Variants in CACNA2D3 observed in about 807,000 individuals in gnomAD.
CACNA2D3 encodes voltage-dependent calcium channel subunit alpha-2/delta-3.
In CACNA2D3, 60 loss-of-function variants were observed where a neutral mutation model predicts 160.6. The observed-to-expected ratio is 0.37, with a 90% CI of 0.30 to 0.46. CACNA2D3 has a LOEUF of 0.46. Among genes scored for constraint, CACNA2D3 ranks in the 20% least tolerant of loss-of-function variants. The probability of loss-of-function intolerance (pLI) is 1.00; values close to 1 mark genes in which losing one functional copy is unlikely to be tolerated. For missense variants in CACNA2D3, 1,205 were observed against 1,365.0 expected (o/e 0.88, Z 1.85); for synonymous variants, 558 against 492.9 (o/e 1.13, Z -1.75).
At chr3:54,281,120 G>A (rs1356839159) in intron 2 of CACNA2D3, among the ~76,000 whole-genome samples, 1 of 152,188 alleles carries the variant, frequency 6.6e-6, no homozygotes, top group Non-Finnish European at 1.5e-5. Flanking sequence ...ACAACCTGGA[G>A]TGGAGAGGAG....
intron 3 of CACNA2D3, among the ~76,000 whole-genome samples, chr3:54,336,075 G>A (rs950532917): frequency 4.6e-5 from 7 of 151,548 alleles, no homozygotes; most frequent in African/African-American, 1.7e-4. Flanking sequence ...TATATCTCAG[G>A]GAGGTAACCT....
At chr3:54,557,028 T>C (rs529723840) in intron 5 of CACNA2D3, among the ~76,000 whole-genome samples, 2 of 146,546 alleles carry the variant, frequency 1.4e-5, no homozygotes, top group Admixed American at 6.6e-5. Context: ...CTATTTTTTC[T>C]GTTTTTTCTT....
chr3:54,353,935 C>A (rs2107535476), intron 3 of CACNA2D3, among the ~76,000 whole-genome samples: 1 of 152,266 alleles, frequency 6.6e-6, no homozygotes, highest in Admixed American at 6.5e-5. Context: ...GGCAGGACGG[C>A]TTTTTATCAT....
intron 2 of CACNA2D3, among the ~76,000 whole-genome samples, chr3:54,222,532 A>C (rs11711040): frequency 6.6e-6 from 1 of 152,166 alleles, no homozygotes; most frequent in Non-Finnish European, 1.5e-5. Context: ...TGCTGAGTCA[A>C]TGTTGACAAA....
intron 13 of CACNA2D3, among the ~76,000 whole-genome samples, chr3:54,814,091 A>T (rs536532378): frequency 6.6e-6 from 1 of 150,918 alleles, no homozygotes; most frequent in South Asian, 2.1e-4. Context: ...CTGGTCTCAA[A>T]CTCCTGGACT....
At chr3:54,969,910 C>A in intron 29 of CACNA2D3, 66 bp downstream of exon 29, 1 of 1,397,676 alleles carries the variant, frequency 7.2e-7, no homozygotes, top group Non-Finnish European at 1.0e-6. Flanking sequence ...TGCTTTATGA[C>A]CGAGGGAATG....
At chr3:54,487,814 A>G (rs1701040483) in intron 4 of CACNA2D3, among the ~76,000 whole-genome samples, 1 of 152,238 alleles carries the variant, frequency 6.6e-6, no homozygotes, top group Non-Finnish European at 1.5e-5. Context: ...AGAGTAAAAA[A>G]TCAGTTCTTC....
intron 34 of CACNA2D3, among the ~76,000 whole-genome samples, chr3:55,012,212 G>A (rs1703226015): frequency 6.6e-6 from 1 of 152,192 alleles, no homozygotes; most frequent in African/African-American, 2.4e-5. Context: ...ACATAATATG[G>A]TTGTGAGAGG....
intron 8 of CACNA2D3, among the ~76,000 whole-genome samples, chr3:54,573,126 G>C (rs1345696967): frequency 3.3e-5 from 5 of 152,254 alleles, no homozygotes; most frequent in Middle Eastern, 6.8e-3. Context: ...CTGTGCATCT[G>C]TTTGTTCATT....
At chr3:54,585,618 G>GGCA (rs1702747329) in intron 9 of CACNA2D3, among the ~76,000 whole-genome samples, 1 of 136,616 alleles carries the variant, frequency 7.3e-6, no homozygotes, top group Admixed American at 9.5e-5. Context: ...CATGGCAGAA[G>GGCA]GCAAGGAAAG....
At chr3:54,794,976 G>A (rs1319810649) in intron 13 of CACNA2D3, among the ~76,000 whole-genome samples, 1 of 151,864 alleles carries the variant, frequency 6.6e-6, no homozygotes, top group African/African-American at 2.4e-5. Context: ...TATTTCTTCA[G>A]ATATTTTATT....
At chr3:54,822,190 C>T (rs1461609888) in intron 14 of CACNA2D3, among the ~76,000 whole-genome samples, 16 of 152,068 alleles carry the variant, frequency 1.1e-4, no homozygotes, top group East Asian at 1.9e-4. Context: ...ATTCCCAAGC[C>T]GGGGGTGTTA....
intron 27 of CACNA2D3, among the ~76,000 whole-genome samples, chr3:54,904,439 C>A (rs922317209): frequency 6.6e-6 from 1 of 152,124 alleles, no homozygotes; most frequent in East Asian, 1.9e-4. Flanking sequence ...ATCTTCTAGA[C>A]CCTCCCTCTG....
chr3:54,467,112 A>G (rs1044671924), intron 4 of CACNA2D3, among the ~76,000 whole-genome samples: 10 of 151,800 alleles, frequency 6.6e-5, no homozygotes, highest in East Asian at 1.9e-4. Context: ...ACAAACAACA[A>G]TAGGGGTCCT....
intron 3 of CACNA2D3, among the ~76,000 whole-genome samples, chr3:54,340,378 G>A (rs74958510): frequency 2.6e-5 from 4 of 152,022 alleles, no homozygotes; most frequent in South Asian, 2.1e-4. Flanking sequence ...TTTCTGGTGC[G>A]TTTCAAAGTG....
intron 4 of CACNA2D3, among the ~76,000 whole-genome samples, chr3:54,409,589 C>T (rs1479896625): frequency 2.6e-5 from 4 of 152,218 alleles, no homozygotes; most frequent in African/African-American, 7.2e-5. Flanking sequence ...AGAGATGGGC[C>T]GAAAGCTAGG....
intron 2 of CACNA2D3, among the ~76,000 whole-genome samples, chr3:54,303,818 GTTTTTT>G (rs71617795): frequency 0.024 from 2,782 of 115,018 alleles, 84 homozygotes; most frequent in African/African-American, 0.089. Context: ...CTTTTTTTCT[GTTTTTT>G]TTTTTTTTTT....
At chr3:54,308,206 G>T (rs1354221084) in intron 2 of CACNA2D3, among the ~76,000 whole-genome samples, 1 of 152,158 alleles carries the variant, frequency 6.6e-6, no homozygotes, top group Non-Finnish European at 1.5e-5. Flanking sequence ...AGGCTGTGCT[G>T]CCTGTGTTCA....
At chr3:54,811,070 C>G (rs1703297935) in intron 13 of CACNA2D3, among the ~76,000 whole-genome samples, 1 of 152,182 alleles carries the variant, frequency 6.6e-6, no homozygotes, top group Admixed American at 6.5e-5. Flanking sequence ...ACACTCACCC[C>G]TTCGGTAACC....
Sources: gnomAD v4.1 joint callset for allele counts (sites outside exome capture counted in the v4.1 genomes callset) on GRCh38, gnomAD v4.1.1 for gene constraint, MANE v1.5 for transcripts, NCBI Gene and HGNC (gene_info 2026-07-23, HGNC 2026-07-21) for gene names.